Variants in KCNN2 observed in about 807,000 individuals in gnomAD.
The protein encoded by KCNN2 is potassium calcium-activated channel subfamily N member 2, also known as small conductance calcium-activated potassium channel protein 2.
KCNN2 carries 24 observed loss-of-function variants against 55.5 expected under a neutral mutation model. That is an observed-to-expected ratio of 0.43 (90% CI 0.31 to 0.61). The LOEUF is 0.61. KCNN2 is among the 20% of genes least tolerant of loss of function. KCNN2 has a pLI of 0.08. For missense variants in KCNN2, 754 were observed against 853.6 expected, an observed-to-expected ratio of 0.88 and a Z score of 1.45; for synonymous variants, 431 against 336.1, an observed-to-expected ratio of 1.28 and a Z score of -3.09.
At chr5:114,452,313 T>C (rs887444541) in intron 3 of KCNN2, among the ~76,000 whole-genome samples, 1 of 152,242 alleles carries the variant, frequency 6.6e-6, no homozygotes, top group African/African-American at 2.4e-5. Flanking sequence ...GTGTCAGTGA[T>C]GGAACATTAT....
At chr5:114,272,357 C>CA (rs1561549029) in intron 2 of KCNN2, among the ~76,000 whole-genome samples, 1 of 29,406 alleles carries the variant, frequency 3.4e-5, no homozygotes, top group African/African-American at 5.8e-5. Context: ...TATGTACATA[C>CA]CATATACACA....
intron 1 of KCNN2, among the ~76,000 whole-genome samples, chr5:114,084,822 A>C (rs1056731279): frequency 6.6e-6 from 1 of 151,918 alleles, no homozygotes; most frequent in African/African-American, 2.4e-5. Flanking sequence ...CTATGATTCA[A>C]TTTTGAGTTA....
intron 1 of KCNN2, among the ~76,000 whole-genome samples, chr5:114,194,913 C>G (rs947840779): frequency 1.3e-5 from 2 of 148,956 alleles, no homozygotes; most frequent in Non-Finnish European, 3.0e-5. Flanking sequence ...GCATGTGGCT[C>G]TCTGATTCTC....
intron 2 of KCNN2, among the ~76,000 whole-genome samples, chr5:114,333,256 T>C (rs13183492): frequency 0.31 from 46,798 of 152,078 alleles, 7,486 homozygotes; most frequent in Non-Finnish European, 0.35. Context: ...CAAATGAAAA[T>C]TGGACAGGCA....
intron 2 of KCNN2, among the ~76,000 whole-genome samples, chr5:114,278,753 G>A (rs1231150805): frequency 3.3e-5 from 5 of 152,168 alleles, no homozygotes; most frequent in African/African-American, 4.8e-5. Context: ...GGAGTGTACC[G>A]CTCCTCCAGG....
At chr5:114,462,200 GGGCACAGA>G (rs1184743909) in intron 3 of KCNN2, among the ~76,000 whole-genome samples, 1 of 152,102 alleles carries the variant, frequency 6.6e-6, no homozygotes, top group African/African-American at 2.4e-5. Context: ...TCCACATCAC[GGGCACAGA>G]GGGTTACTGT....
At chr5:114,157,051 AT>A (rs1463602818) in intron 1 of KCNN2, among the ~76,000 whole-genome samples, 1 of 151,768 alleles carries the variant, frequency 6.6e-6, no homozygotes, top group Admixed American at 6.6e-5. Flanking sequence ...CATGTGCACA[AT>A]GTGCAGGTTT....
intron 1 of KCNN2, among the ~76,000 whole-genome samples, chr5:114,174,973 C>A (rs1753106942): frequency 6.6e-6 from 1 of 152,128 alleles, no homozygotes; most frequent in Admixed American, 6.6e-5. Flanking sequence ...AACTAAAATC[C>A]TCAAGAAATA....
At chr5:114,473,216 G>GTGT in intron 5 of KCNN2, 52 bp downstream of exon 5, 1 of 1,187,762 alleles carries the variant, frequency 8.4e-7, no homozygotes, top group East Asian at 2.5e-5. Context: ...GATTTTTTCA[G>GTGT]TGTTAGGAAA....
Position 114,487,061 on chromosome 5 carries a change from A to G in KCNN2, c.1902A>G (p.Ala634=). 1 of 1,613,002 alleles carries G rather than the reference A, an allele frequency of 6.2e-7. No homozygotes were observed. Among genetic ancestry groups the G allele is most frequent in the Non-Finnish European group, 8.5e-7 (1 of 1,179,298 alleles). Residue 634 remains alanine, a synonymous_variant, in exon 6 of 8, where the codon GCA becomes GCG. Transcript: ENST00000673685. Reference sequence around the variant, plus strand: ...TGTTCTCTTAACAGGTAAAAAATGCAGCTGCCAATGTACTCAGGGAAACAT... The same window carrying G: ...TGTTCTCTTAACAGGTAAAAAATGCGGCTGCCAATGTACTCAGGGAAACAT... The part of the protein sequence containing the change: ...DTQLTKRVKN[A]AANVLRETWL...
At chr5:114,057,354 C>CT (rs1454341572) in intron 1 of KCNN2, among the ~76,000 whole-genome samples, 4 of 152,146 alleles carry the variant, frequency 2.6e-5, no homozygotes, top group Non-Finnish European at 5.9e-5. Context: ...ACTATTATGT[C>CT]TTTTTTACAG....
At position 114,353,261 on chromosome 5, in the gene KCNN2, T is replaced by C. The variant is rs528489855; in HGVS notation, c.-184-7684T>C. 5.9e-5 allele frequency among the ~76,000 whole-genome samples: 9 copies of C among 151,958 alleles called. No homozygotes were observed. In the East Asian group the frequency reaches 9.6e-4, roughly 16 times the overall value. ...ATAACAGACAGTAGATATGTATTTA[T>C]AGAACTTGTTATACTAACCTATTTA... On this transcript the variant is annotated intron_variant, in intron 2 of 10. Transcript: ENST00000512097.
chr5:114,099,622 A>G (rs1751334187), intron 1 of KCNN2, among the ~76,000 whole-genome samples: 1 of 152,156 alleles, frequency 6.6e-6, no homozygotes, highest in Non-Finnish European at 1.5e-5. Context: ...GACTACAGGC[A>G]CATGCCACCA....
intron 2 of KCNN2, among the ~76,000 whole-genome samples, chr5:114,257,774 A>G (rs961102341): frequency 6.6e-6 from 1 of 152,208 alleles, no homozygotes; most frequent in Admixed American, 6.5e-5. Context: ...TTTTCTAGGT[A>G]TAAGCTTATA....
At chr5:114,104,130 G>C (rs1751431720) in intron 1 of KCNN2, among the ~76,000 whole-genome samples, 1 of 151,958 alleles carries the variant, frequency 6.6e-6, no homozygotes, top group Admixed American at 6.6e-5. Context: ...TCAGGGATTT[G>C]ACTTCTTTCT....
chr5:114,463,492 G>A (rs1294705432), intron 4 of KCNN2, among the ~76,000 whole-genome samples: 1 of 152,210 alleles, frequency 6.6e-6, no homozygotes. Flanking sequence ...TTAAGACTGT[G>A]TCCTCCCATC....
At chr5:114,161,729 T>G (rs551209094) in intron 1 of KCNN2, among the ~76,000 whole-genome samples, 2 of 152,258 alleles carry the variant, frequency 1.3e-5, no homozygotes, top group Admixed American at 6.5e-5. Context: ...CTAAACTTCT[T>G]TTCTCGCTTC....
At chr5:114,256,646 A>G (rs2150002448) in intron 2 of KCNN2, among the ~76,000 whole-genome samples, 1 of 152,024 alleles carries the variant, frequency 6.6e-6, no homozygotes, top group Middle Eastern at 3.4e-3. Context: ...ATTTTTTCAT[A>G]TGATTTTTTA....
intron 1 of KCNN2, among the ~76,000 whole-genome samples, chr5:114,158,950 C>T (rs1434997556): frequency 6.6e-6 from 1 of 152,130 alleles, no homozygotes; most frequent in South Asian, 2.1e-4. Context: ...CATCTGCAAA[C>T]AGGGACAATT....
Sources: allele counts gnomAD v4.1 joint callset (sites outside exome capture counted in the v4.1 genomes callset), GRCh38; gene constraint gnomAD v4.1.1; transcripts MANE v1.5; gene names NCBI Gene and HGNC (gene_info 2026-07-23, HGNC 2026-07-21).